ZNF564: variants seen among roughly 807,000 people sequenced by gnomAD.
ZNF564 encodes zinc finger protein 564.
ZNF564 carries 5 observed loss-of-function variants against 10.5 expected under a neutral mutation model. The observed-to-expected ratio is 0.48, with a 90% CI of 0.25 to 1.00. ZNF564 has a LOEUF of 1.00. Ranked by LOEUF, ZNF564 falls within the 50% of genes least tolerant of loss-of-function variation. The pLI, the probability that ZNF564 is intolerant of heterozygous loss-of-function variation, is 0.16. For synonymous variants in ZNF564, 242 were observed against 218.1 expected, an observed-to-expected ratio of 1.11 and a Z score of -0.97; for missense variants, 603 against 669.7, an observed-to-expected ratio of 0.90 and a Z score of 1.10.
In ZNF564 at chr19:12,526,998, G is replaced by A. The variant is rs186374314; in HGVS notation, c.1110C>T (p.Cys370=). Residue 370 remains cysteine (C), a synonymous_variant, in exon 4 of 4, where the codon TGC becomes TGT. Coordinates refer to ENST00000339282, the MANE Select transcript of ZNF564 (RefSeq NM_144976.4). ...TGEKPYECKE[C]GKAFISLPSV... ...TTGGGAGAGAAATGAAGGCTTTCCC[G>A]CATTCCTTACATTCATAGGGCTTCT... 34 of 1,609,720 alleles carry A rather than the reference G, an allele frequency of 2.1e-5. No individual in the cohort carries two copies. Among genetic ancestry groups the A allele is most frequent in the African/African-American group, 1.8e-4 (13 of 74,142 alleles).
intron 1 of ZNF564, among the ~76,000 whole-genome samples, chr19:12,538,777 C>A (rs917437697): frequency 1.3e-4 from 19 of 151,794 alleles, no homozygotes; most frequent in African/African-American, 4.6e-4. Context: ...CCACTACACT[C>A]CAGTCTGGGC....
In ZNF564 at chr19:12,539,217, G is replaced by A. The variant is rs1172590126; in HGVS notation, c.4-10521C>T. 5.1e-5 allele frequency among the ~76,000 whole-genome samples: 7 copies of A among 136,538 alleles called. No individual in the cohort carries two copies. The South Asian group carries it at 7.2e-4, about 14-fold the overall frequency. 89.6% of individuals were successfully genotyped at this position (136,538 alleles called of 152,430 possible). ...CCTCCTGTCACCACACTCCAGCCTCGGTGACAGAACGAGACTCCATCTCAA... is the reference window on the plus strand; with the variant it reads ...CCTCCTGTCACCACACTCCAGCCTCAGTGACAGAACGAGACTCCATCTCAA... On this transcript the variant is annotated intron_variant, in intron 1 of 3. Coordinates refer to ENST00000339282, the MANE Select transcript of ZNF564 (RefSeq NM_144976.4).
intron 1 of ZNF564, among the ~76,000 whole-genome samples, chr19:12,542,633 G>C (rs777646528): frequency 3.0e-4 from 33 of 111,428 alleles, no homozygotes; most frequent in Non-Finnish European, 4.0e-4. Flanking sequence ...AAGAAAGGAA[G>C]GAAAGAAAGG....
chr19:12,542,641 A>T (rs2022078755), intron 1 of ZNF564, among the ~76,000 whole-genome samples: 1 of 102,310 alleles, frequency 9.8e-6, no homozygotes, highest in Admixed American at 8.0e-5. Context: ...AAGGAAAGAA[A>T]GGGAAAGGAA....
chr19:12,536,234 T>C (rs997064542), intron 1 of ZNF564, among the ~76,000 whole-genome samples: 3 of 152,122 alleles, frequency 2.0e-5, no homozygotes, highest in Admixed American at 1.3e-4. Context: ...TGGAGTGCAG[T>C]GGTATGATCA....
Position 12,527,455 on chromosome 19 carries a change from G to C in ZNF564, c.653C>G (p.Thr218Ser), listed in dbSNP as rs1555696768. The C allele has an allele frequency of 6.2e-7, 1 of 1,614,062 alleles. No homozygotes were observed. The highest frequency in any genetic ancestry group is 1.1e-5 in the South Asian group (1 of 91,072). The change falls in exon 4 of 4, where the codon ACT (threonine) becomes AGT (serine). Residue 218 changes from threonine (T) to serine (S), a missense_variant. By Grantham distance (58) the Thr-to-Ser change is moderately conservative. Coordinates refer to ENST00000339282, the MANE Select transcript of ZNF564 (RefSeq NM_144976.4). ...TTCATAGGGTTTCTCTCCAGTGTGA[G>C]TTCTTTCATGTATCTGAAATAAACT... is the stretch of plus-strand genomic sequence containing the variant. The part of the protein sequence containing the change: ...RPSLFQIHER[T>S]HTGEKPYECQ...
chr19:12,548,426 A>C (rs2022193518), intron 1 of ZNF564, among the ~76,000 whole-genome samples: 1 of 152,058 alleles, frequency 6.6e-6, no homozygotes, highest in South Asian at 2.1e-4. Flanking sequence ...TGTGTTAGCC[A>C]GGATGGTTTC....
At chr19:12,536,618 G>C (rs1400236902) in intron 1 of ZNF564, among the ~76,000 whole-genome samples, 1 of 152,178 alleles carries the variant, frequency 6.6e-6, no homozygotes, top group Admixed American at 6.6e-5. Flanking sequence ...TATATTCTGA[G>C]AAGTTAAATT....
At position 12,528,374 on chromosome 19, in the gene ZNF564, A is replaced by C. The variant is rs999386615; in HGVS notation, c.131-10T>G. 1 of 1,601,014 alleles carries C rather than the reference A, an allele frequency of 6.2e-7. No homozygotes were observed. The highest frequency in any genetic ancestry group is 1.8e-5 in the Admixed American group (1 of 54,748). On this transcript the variant is annotated splice_polypyrimidine_tract_variant and intron_variant, in intron 2 of 3. Transcript: ENST00000339282. ...TCTTCCCATTTTTTTCCTAAAATAT[A>C]GTCAGAAAAAATCCTTATGAACTGA...
intron 1 of ZNF564, chr19:12,548,686 T>A: frequency 1.5e-6 from 1 of 655,002 alleles, no homozygotes; most frequent in South Asian, 1.7e-5. Context: ...CATTTATCTA[T>A]CCCTTTCAGA....
intron 3 of ZNF564, 86 bp from the exon 4 acceptor site, chr19:12,528,002 G>T: frequency 3.5e-6 from 5 of 1,427,092 alleles, no homozygotes; most frequent in Non-Finnish European, 4.7e-6. Flanking sequence ...CCATAATCGC[G>T]GAAAGGGTAA....
intron 1 of ZNF564, chr19:12,529,921 T>A (rs1261932893): frequency 6.7e-6 from 1 of 149,802 alleles, no homozygotes. Flanking sequence ...GAGGCGGACG[T>A]TGCAGTGAGT....
chr19:12,549,643 C>G (rs1568268358), intron 1 of ZNF564, among the ~76,000 whole-genome samples: 1 of 152,124 alleles, frequency 6.6e-6, no homozygotes, highest in Non-Finnish European at 1.5e-5. Flanking sequence ...GGAACGGAAA[C>G]TGGGGTTGAG....
intron 1 of ZNF564, 84 bp downstream of exon 1, chr19:12,551,246 G>A (rs2022254044): frequency 8.8e-6 from 13 of 1,471,494 alleles, no homozygotes; most frequent in East Asian, 2.4e-5. Flanking sequence ...GCTGCAGGGA[G>A]GCCAGGGTGC....
intron 1 of ZNF564, among the ~76,000 whole-genome samples, chr19:12,533,443 C>T (rs529895122): frequency 1.3e-5 from 2 of 152,262 alleles, no homozygotes; most frequent in African/African-American, 4.8e-5. Context: ...GAGTCTACTT[C>T]GGGCTGGGTG....
rs146988079 is a variant in ZNF564 at position 12,546,265 on chromosome 19, C to G, written c.3+5065G>C. Among the ~76,000 whole-genome samples the G allele has an allele frequency of 1.1e-3, 165 of 152,294 alleles. 1 individual carries two copies. The highest frequency in any genetic ancestry group is 3.8e-3 in the African/African-American group (157 of 41,568). ...TAAACCAACTCTGTGGATACAAAAC[C>G]AAATTGCTGACAATGTTGAATTTTA... is the stretch of plus-strand genomic sequence containing the variant. On this transcript the variant is annotated intron_variant, in intron 1 of 3. Coordinates refer to ENST00000339282, the MANE Select transcript of ZNF564 (RefSeq NM_144976.4).
chr19:12,535,937 C>G (rs1346678299), intron 1 of ZNF564, among the ~76,000 whole-genome samples: 1 of 150,484 alleles, frequency 6.6e-6, no homozygotes, highest in African/African-American at 2.4e-5. Context: ...TGCTTGAACC[C>G]GGGAGGTGCA....
intron 3 of ZNF564, 93 bp from the exon 4 acceptor site, chr19:12,528,009 G>GT: frequency 7.1e-7 from 1 of 1,399,682 alleles, no homozygotes; most frequent in Non-Finnish European, 9.7e-7. Flanking sequence ...CGCGGAAAGG[G>GT]TAAGTTTTCA....
chr19:12,527,318 G>T lies in ZNF564; in HGVS notation c.790C>A (p.Arg264Ser). 1.9e-6 allele frequency: 3 copies of T among 1,605,176 alleles called. No homozygotes were observed. Among genetic ancestry groups the T allele is most frequent in the Non-Finnish European group, 2.5e-6 (3 of 1,176,572 alleles). ...KCQECGKAFDRPSLFRIHERT... is the reference protein window; with the variant it reads ...KCQECGKAFDSPSLFRIHERT... ...TCATGTATTCGAAATAAACTGGGGC[G>T]GTCAAAGGCTTTTCCACATTCCTGA... The change falls in exon 4 of 4, where the codon CGC (arginine) becomes AGC (serine). Residue 264 changes from arginine (R) to serine (S), a missense_variant. Transcript: ENST00000339282.
Sources: allele counts gnomAD v4.1 joint callset (sites outside exome capture counted in the v4.1 genomes callset), GRCh38; gene constraint gnomAD v4.1.1; transcripts MANE v1.5; gene names NCBI Gene and HGNC (gene_info 2026-07-23, HGNC 2026-07-21).